The following SEC14L1 variants were observed in gnomAD, a reference collection of about 807,000 sequenced individuals.
SEC14L1 encodes the protein SEC14 like lipid binding 1, also known as SEC14-like protein 1.
A neutral mutation model predicts 85.3 loss-of-function variants in SEC14L1; 48 were observed. The observed-to-expected ratio is 0.56, with a 90% CI of 0.45 to 0.72. SEC14L1 has a LOEUF of 0.72. SEC14L1 is among the 30% of genes least tolerant of loss of function. The pLI, the probability that SEC14L1 is intolerant of heterozygous loss-of-function variation, is 0.00. For missense variants in SEC14L1, 682 were observed against 921.4 expected (o/e 0.74, Z 3.36); for synonymous variants, 391 against 355.5 (o/e 1.10, Z -1.12).
At chr17:77,093,889 G>A (rs1379744009) in intron 3 of SEC14L1, 1 of 152,248 alleles carries the variant, frequency 6.6e-6, no homozygotes, top group Admixed American at 6.5e-5. Flanking sequence ...ATGAGCCACT[G>A]CACTGGCCCA....
intron 3 of SEC14L1, among the ~76,000 whole-genome samples, chr17:77,105,059 C>T (rs572701532): frequency 9.9e-5 from 15 of 152,088 alleles, no homozygotes; most frequent in Admixed American, 4.6e-4. Flanking sequence ...ATTGGTGAGA[C>T]GCGGTTTCAT....
intron 3 of SEC14L1, among the ~76,000 whole-genome samples, chr17:77,109,094 T>C (rs1971990895): frequency 6.6e-6 from 1 of 152,196 alleles, no homozygotes; most frequent in Non-Finnish European, 1.5e-5. Context: ...AGTGCTGGGA[T>C]TACAGGCGTG....
chr17:77,182,693 A>C (rs1266989813), intron 3 of SEC14L1, among the ~76,000 whole-genome samples: 4 of 152,170 alleles, frequency 2.6e-5, no homozygotes, highest in African/African-American at 9.7e-5. Flanking sequence ...TGGCTGGATG[A>C]CACTGTGGAT....
At position 77,206,506 on chromosome 17, in the gene SEC14L1, AAAAC is replaced by A; in HGVS notation, c.1341+109_1341+112del. On this transcript the variant is annotated intron_variant, in intron 12 of 16. Transcript: ENST00000436233. This position sits in a 1 kb window ranked among gnomAD's most constrained non-coding sequence, Gnocchi z 4.3. ...CTAAAGTCTTAACTTCTTAGGAAAAAAAACAATAACATGCAAAGATATAAAATTT... is the reference window on the plus strand; with the variant it reads ...CTAAAGTCTTAACTTCTTAGGAAAAAAATAACATGCAAAGATATAAAATTT... The A allele has an allele frequency of 7.3e-7, 1 of 1,376,286 alleles. No individual in the cohort carries two copies. The highest frequency in any genetic ancestry group is 9.9e-7 in the Non-Finnish European group (1 of 1,015,142). The allele number at this position is 1,376,286 out of a possible 1,614,324, so 85.3% of individuals were successfully genotyped here. A position where few individuals can be genotyped will look rare whatever the true frequency, so the allele number is the denominator to read the frequency against.
At chr17:77,198,734 C>T (rs2143087318) in intron 8 of SEC14L1, among the ~76,000 whole-genome samples, 1 of 152,192 alleles carries the variant, frequency 6.6e-6, no homozygotes, top group East Asian at 1.9e-4. Context: ...CCACCACGCC[C>T]AGATAATTTT....
At chr17:77,110,957 G>C (rs1282356300) in intron 3 of SEC14L1, among the ~76,000 whole-genome samples, 2 of 151,718 alleles carry the variant, frequency 1.3e-5, no homozygotes, top group Non-Finnish European at 2.9e-5. Flanking sequence ...ACTTTGGGAG[G>C]CCGAGGCAGG....
At chr17:77,169,376 G>C (rs928025585) in intron 3 of SEC14L1, among the ~76,000 whole-genome samples, 9 of 152,144 alleles carry the variant, frequency 5.9e-5, no homozygotes, top group Non-Finnish European at 8.8e-5. Context: ...AGAGAGTCTT[G>C]CATGCTCTCT....
chr17:77,115,433 A>T (rs913625603), intron 3 of SEC14L1, among the ~76,000 whole-genome samples: 17 of 151,942 alleles, frequency 1.1e-4, no homozygotes, highest in African/African-American at 3.1e-4. Flanking sequence ...CCATCTCAAA[A>T]AAATAAATAA....
At chr17:77,178,487 G>T (rs1436024170) in intron 3 of SEC14L1, among the ~76,000 whole-genome samples, 2 of 152,146 alleles carry the variant, frequency 1.3e-5, no homozygotes, top group Admixed American at 6.5e-5. Context: ...TTGTGTCACT[G>T]TTGCCTGCTA....
At chr17:77,191,785 C>A (rs1449732399) in intron 5 of SEC14L1, among the ~76,000 whole-genome samples, 1 of 146,026 alleles carries the variant, frequency 6.8e-6, no homozygotes, top group African/African-American at 2.6e-5. Flanking sequence ...TCACGTGATC[C>A]ACCCCTTGGC....
At chr17:77,096,554 C>CA (rs59377154) in intron 3 of SEC14L1, among the ~76,000 whole-genome samples, 48,212 of 144,660 alleles carry the variant, frequency 0.33, 9,710 homozygotes, top group East Asian at 0.61. Flanking sequence ...GACTCCATCT[C>CA]AAAAAAAAAA....
intron 3 of SEC14L1, among the ~76,000 whole-genome samples, chr17:77,099,608 T>C (rs1411927533): frequency 6.6e-6 from 1 of 152,044 alleles, no homozygotes. Context: ...AATACAAATA[T>C]TACCCGGGTG....
chr17:77,131,660 T>C (rs1860024129), intron 3 of SEC14L1, among the ~76,000 whole-genome samples: 1 of 152,076 alleles, frequency 6.6e-6, no homozygotes, highest in African/African-American at 2.4e-5. Flanking sequence ...AAGGAATGAG[T>C]AAATAAATGA....
Position 77,131,554 on chromosome 17 carries a change from G to T in SEC14L1, c.-135-11092G>T, listed in dbSNP as rs183831652. On this transcript the variant is annotated intron_variant, in intron 3 of 19. Coordinates refer to the SEC14L1 transcript ENST00000392476. ...CAAAGTGCTGGGATTACAGGCGTGA[G>T]CCACCACACCCAGCTGTAGTGGGTC... Among the ~76,000 whole-genome samples the T allele has an allele frequency of 4.6e-5, 7 of 152,360 alleles. No individual in the cohort carries two copies. In the East Asian group the frequency reaches 1.3e-3, roughly 29 times the overall value.
chr17:77,199,659 A>G (rs1976018261), intron 8 of SEC14L1: 1 of 152,274 alleles, frequency 6.6e-6, no homozygotes, highest in Admixed American at 6.5e-5. Flanking sequence ...GAAAAGTGCA[A>G]GGATCATAGT....
At chr17:77,163,070 C>T (rs551437228) in intron 3 of SEC14L1, among the ~76,000 whole-genome samples, 29 of 152,274 alleles carry the variant, frequency 1.9e-4, no homozygotes, top group Non-Finnish European at 3.8e-4. Flanking sequence ...GCTTCTGCCT[C>T]CTGGACTCTT....
intron 3 of SEC14L1, among the ~76,000 whole-genome samples, chr17:77,173,002 C>G (rs1029745634): frequency 1.3e-5 from 2 of 152,180 alleles, no homozygotes; most frequent in Non-Finnish European, 2.9e-5. Flanking sequence ...GAATCATGCT[C>G]CTGTCTTCTC....
chr17:77,139,437 G>C (rs1010357125), upstream of SEC14L1, among the ~76,000 whole-genome samples: 1 of 151,576 alleles, frequency 6.6e-6, no homozygotes, highest in Admixed American at 6.6e-5. Flanking sequence ...CTCCCAGACT[G>C]TTGGGATTAC....
chr17:77,176,338 T>C (rs1974756916), intron 3 of SEC14L1, among the ~76,000 whole-genome samples: 1 of 151,218 alleles, frequency 6.6e-6, no homozygotes, highest in South Asian at 2.1e-4. Flanking sequence ...ATATGTAAAA[T>C]AGGTGAAAGA....
Sources: gnomAD v4.1 joint callset for allele counts (sites outside exome capture counted in the v4.1 genomes callset) on GRCh38, gnomAD v4.1.1 for gene constraint, Gnocchi (gnomAD v3.1) non-coding constraint, MANE v1.5 for transcripts, NCBI Gene and HGNC (gene_info 2026-07-23, HGNC 2026-07-21) for gene names.